Variants in DTNBP1 observed in about 807,000 individuals in gnomAD.
The protein encoded by DTNBP1 is dystrobrevin binding protein 1, also known as dysbindin.
DTNBP1 carries 35 observed loss-of-function variants against 42.8 expected under a neutral mutation model. That is an observed-to-expected ratio of 0.82 (90% confidence interval 0.63 to 1.09). The LOEUF (loss-of-function observed/expected upper bound fraction) is 1.09. Among genes scored for constraint, DTNBP1 ranks in the 50% least tolerant of loss-of-function variants. The pLI, the probability that DTNBP1 is intolerant of heterozygous loss-of-function variation, is 0.00. For missense variants in DTNBP1, 457 were observed against 424.2 expected (o/e 1.08, Z -0.68); for synonymous variants, 171 against 162.2 (o/e 1.05, Z -0.41).
At chr6:15,604,479 C>G (rs1448986027) in intron 6 of DTNBP1, among the ~76,000 whole-genome samples, 3 of 152,100 alleles carry the variant, frequency 2.0e-5, no homozygotes, top group African/African-American at 7.2e-5. Flanking sequence ...CTGGAGAATG[C>G]TGTTGGTTTC....
At chr6:15,627,217 G>T in intron 5 of DTNBP1, 126 bp downstream of exon 5, 2 of 1,263,296 alleles carry the variant, frequency 1.6e-6, no homozygotes, top group Non-Finnish European at 2.2e-6. Flanking sequence ...ATGAAATCAT[G>T]ATTTTCCAAA....
At chr6:15,556,445 G>C (rs1774527383) in intron 7 of DTNBP1, among the ~76,000 whole-genome samples, 1 of 152,174 alleles carries the variant, frequency 6.6e-6, no homozygotes, top group East Asian at 1.9e-4. Context: ...CTCCCAAAGT[G>C]CTGGGATTAC....
At chr6:15,631,426 A>G (rs944566050) in intron 4 of DTNBP1, among the ~76,000 whole-genome samples, 8 of 152,188 alleles carry the variant, frequency 5.3e-5, no homozygotes, top group Admixed American at 3.9e-4. Context: ...AATAATCAAA[A>G]GAATGATTGT....
chr6:15,523,363 C>A (rs1227691526), intron 9 of DTNBP1, 144 bp from the exon 10 acceptor site: 3 of 1,338,622 alleles, frequency 2.2e-6, no homozygotes, highest in South Asian at 1.2e-5. Context: ...AACTTGGGAA[C>A]TGCCCTGGAA....
At chr6:15,582,294 C>T (rs1443906094) in intron 7 of DTNBP1, among the ~76,000 whole-genome samples, 1 of 152,128 alleles carries the variant, frequency 6.6e-6, no homozygotes, top group Non-Finnish European at 1.5e-5. Context: ...TGAGGGCAGA[C>T]GTTCCTGGGT....
intron 7 of DTNBP1, among the ~76,000 whole-genome samples, chr6:15,556,787 G>A (rs1006948270): frequency 6.6e-6 from 1 of 151,776 alleles, no homozygotes; most frequent in Non-Finnish European, 1.5e-5. Flanking sequence ...TCTCTCTCTT[G>A]CACCCTTTTT....
intron 6 of DTNBP1, among the ~76,000 whole-genome samples, chr6:15,614,878 C>A (rs1758626559): frequency 6.6e-6 from 1 of 152,160 alleles, no homozygotes. Flanking sequence ...GCCCTCCAGC[C>A]CCTTTCCACA....
At position 15,524,632 on chromosome 6, in the gene DTNBP1, C is replaced by G; in HGVS notation, c.705G>C (p.Val235=). ...IGSMSSMEVN[V]DMLEQMDLMD... ...TCAGGTCCATCTGCTCCAGCATGTC[C>G]ACGTTCACTTCCATGGATGACATGC... The change falls in exon 9 of 10, where the codon GTG becomes GTC. Residue 235 remains valine, a synonymous_variant. Coordinates refer to ENST00000344537, the MANE Select transcript of DTNBP1 (RefSeq NM_032122.5). 6.2e-7 allele frequency: 1 copy of G among 1,613,864 alleles called. No homozygotes were observed. Among genetic ancestry groups the G allele is most frequent in the South Asian group, 1.1e-5 (1 of 91,078 alleles).
In DTNBP1 at chr6:15,633,612, T is replaced by C. The variant is rs191176997; in HGVS notation, c.222+4132A>G. ...GATGAGGAGTTGATTGACTCCAATT[T>C]TGAAAGAAGTTCTACTATGGGTAAA... On this transcript the variant is annotated intron_variant, in intron 4 of 9. Transcript: ENST00000344537. Among the ~76,000 whole-genome samples the C allele has an allele frequency of 2.6e-5, 4 of 152,324 alleles. 1 individual carries two copies. Among genetic ancestry groups the C allele is most frequent in the Admixed American group, 2.6e-4 (4 of 15,302 alleles).
chr6:15,637,272 T>C (rs1581421843), intron 4 of DTNBP1, among the ~76,000 whole-genome samples: 1 of 152,212 alleles, frequency 6.6e-6, no homozygotes. Flanking sequence ...TACTTTGTTC[T>C]TCTAAGTGAA....
chr6:15,546,356 C>T (rs537126848), intron 7 of DTNBP1, among the ~76,000 whole-genome samples: 11 of 152,014 alleles, frequency 7.2e-5, no homozygotes, highest in Admixed American at 2.0e-4. Flanking sequence ...TGAGCCACCG[C>T]GCCTGGCCCC....
intron 7 of DTNBP1, among the ~76,000 whole-genome samples, chr6:15,551,621 T>C (rs1774216165): frequency 6.6e-6 from 1 of 152,168 alleles, no homozygotes; most frequent in Non-Finnish European, 1.5e-5. Flanking sequence ...ACCCAGGCTC[T>C]CTTTCCTCCA....
chr6:15,614,977 A>G, intron 6 of DTNBP1: 1 of 483,914 alleles, frequency 2.1e-6, no homozygotes, highest in Non-Finnish European at 3.8e-6. Flanking sequence ...TGCCTCTTGG[A>G]GAAAACTAGC....
At chr6:15,617,066 C>G (rs1758757460) in intron 5 of DTNBP1, among the ~76,000 whole-genome samples, 2 of 151,882 alleles carry the variant, frequency 1.3e-5, no homozygotes, top group Non-Finnish European at 2.9e-5. Context: ...TAAATTTAAC[C>G]AAGGGAAGGA....
chr6:15,653,916 T>C (rs1761149099), intron 1 of DTNBP1, among the ~76,000 whole-genome samples: 1 of 151,980 alleles, frequency 6.6e-6, no homozygotes, highest in Admixed American at 6.5e-5. Context: ...AACTAATGCA[T>C]GGTACAGTAT....
chr6:15,661,365 G>A (rs56006170), intron 1 of DTNBP1, among the ~76,000 whole-genome samples: 1 of 121,150 alleles, frequency 8.3e-6, no homozygotes, highest in South Asian at 2.7e-4. Flanking sequence ...TTAAAAAAAA[G>A]GGGGGGAGGG....
At chr6:15,555,779 A>G (rs1399907915) in intron 7 of DTNBP1, among the ~76,000 whole-genome samples, 1 of 152,244 alleles carries the variant, frequency 6.6e-6, no homozygotes. Flanking sequence ...ATAACCAACC[A>G]GTAGCCCTTG....
At chr6:15,580,637 G>A (rs1487404289) in intron 7 of DTNBP1, among the ~76,000 whole-genome samples, 1 of 152,188 alleles carries the variant, frequency 6.6e-6, no homozygotes, top group Non-Finnish European at 1.5e-5. Flanking sequence ...ATGTGTGTGT[G>A]TATATAAACC....
chr6:15,647,194 A>G (rs1237573015), intron 3 of DTNBP1, among the ~76,000 whole-genome samples: 1 of 152,062 alleles, frequency 6.6e-6, no homozygotes. Flanking sequence ...AAAGGATATG[A>G]ATAGACTCTT....
Sources: gnomAD v4.1 joint callset for allele counts (sites outside exome capture counted in the v4.1 genomes callset) on GRCh38, gnomAD v4.1.1 for gene constraint, MANE v1.5 for transcripts, NCBI Gene and HGNC (gene_info 2026-07-23, HGNC 2026-07-21) for gene names.